PRELID2: variants seen among roughly 807,000 people sequenced by gnomAD.
PRELID2 encodes PRELI domain containing 2, also known as PRELI domain-containing protein 2.
PRELID2 carries 25 observed loss-of-function variants against 28.4 expected under a neutral mutation model. The ratio of observed to expected loss-of-function variants is 0.88; its 90% CI spans 0.64 to 1.23. PRELID2 has a LOEUF of 1.23. Ranked by LOEUF, PRELID2 falls within the 50% of genes most tolerant of loss-of-function variation. The pLI is 0.00. For missense variants in PRELID2, 201 were observed against 214.4 expected, an observed-to-expected ratio of 0.94 and a Z score of 0.39; for synonymous variants, 76 against 71.6, an observed-to-expected ratio of 1.06 and a Z score of -0.31.
chr5:145,669,534 T>C (rs1258248885), intron 1 of PRELID2, among the ~76,000 whole-genome samples: 1 of 152,038 alleles, frequency 6.6e-6, no homozygotes, highest in Non-Finnish European at 1.5e-5. Context: ...TACTTGCTTC[T>C]GTTCTTGCCA....
chr5:145,708,884 C>T (rs962974614), intron 1 of PRELID2, among the ~76,000 whole-genome samples: 7 of 152,236 alleles, frequency 4.6e-5, no homozygotes, highest in African/African-American at 1.7e-4. Context: ...GACAAATCCT[C>T]GTGTGCTTTT....
chr5:145,782,879 T>C (rs1005054198), intron 5 of PRELID2, among the ~76,000 whole-genome samples: 6 of 152,268 alleles, frequency 3.9e-5, no homozygotes, highest in African/African-American at 1.2e-4. Context: ...TTTTAAAAAG[T>C]CATACAATTG....
At chr5:145,689,344 G>A (rs1318656634) in intron 1 of PRELID2, among the ~76,000 whole-genome samples, 1 of 152,070 alleles carries the variant, frequency 6.6e-6, no homozygotes, top group Admixed American at 6.6e-5. Flanking sequence ...GCTACTAGAA[G>A]CAAGTGACAC....
At chr5:145,728,081 A>G (rs1374111248) in intron 1 of PRELID2, among the ~76,000 whole-genome samples, 1 of 152,154 alleles carries the variant, frequency 6.6e-6, no homozygotes, top group Non-Finnish European at 1.5e-5. Flanking sequence ...CTGTCCCTGC[A>G]AATCTCTGCT....
intron 1 of PRELID2, among the ~76,000 whole-genome samples, chr5:145,645,630 G>A (rs186982560): frequency 3.9e-5 from 6 of 152,108 alleles, no homozygotes; most frequent in Admixed American, 2.0e-4. Context: ...TCATAGTGTC[G>A]ACATTCTTTA....
intron 1 of PRELID2, among the ~76,000 whole-genome samples, chr5:145,649,704 T>C (rs1754256862): frequency 1.3e-5 from 2 of 152,208 alleles, no homozygotes. Context: ...TAATTCTTTA[T>C]TTCAGTGATT....
chr5:145,523,433 A>G (rs1752580363), intron 1 of PRELID2, among the ~76,000 whole-genome samples: 1 of 152,208 alleles, frequency 6.6e-6, no homozygotes, highest in South Asian at 2.1e-4. Flanking sequence ...GGAGAGTATT[A>G]GCTCAGGCCA....
chr5:145,308,306 G>A, the PRELID2 span, among the ~76,000 whole-genome samples: 1 of 152,184 alleles, frequency 6.6e-6, no homozygotes, highest in Non-Finnish European at 1.5e-5. Flanking sequence ...AAAAATAGAT[G>A]TACTAATCGA....
At chr5:145,516,169 G>C (rs373905276) in intron 1 of PRELID2, among the ~76,000 whole-genome samples, 11 of 152,126 alleles carry the variant, frequency 7.2e-5, no homozygotes, top group Non-Finnish European at 8.8e-5. Context: ...AGAAATAAAG[G>C]TTATTCAAAT....
the PRELID2 span, among the ~76,000 whole-genome samples, chr5:145,379,501 A>C: frequency 6.6e-6 from 1 of 152,174 alleles, no homozygotes; most frequent in African/African-American, 2.4e-5. Context: ...CTCTGTGCCC[A>C]GCAAGCAAGA....
chr5:145,687,285 A>T (rs1265610652), intron 1 of PRELID2, among the ~76,000 whole-genome samples: 2 of 152,196 alleles, frequency 1.3e-5, no homozygotes, highest in Non-Finnish European at 2.9e-5. Flanking sequence ...TGGTCAGGAA[A>T]GCCGGGTCCC....
chr5:145,448,515 G>T, the PRELID2 span, among the ~76,000 whole-genome samples: 7 of 152,236 alleles, frequency 4.6e-5, no homozygotes, highest in African/African-American at 1.7e-4. Context: ...TGTTGCCATT[G>T]AAGGCAGGGG....
intron 1 of PRELID2, among the ~76,000 whole-genome samples, chr5:145,646,784 A>C (rs1754204082): frequency 6.6e-6 from 1 of 152,170 alleles, no homozygotes; most frequent in Admixed American, 6.5e-5. Context: ...CCTCTGCCGC[A>C]GGTCTGCTGG....
chr5:145,384,548 A>T, the PRELID2 span, among the ~76,000 whole-genome samples: 2 of 152,226 alleles, frequency 1.3e-5, no homozygotes, highest in African/African-American at 4.8e-5. Flanking sequence ...AAATATAAGA[A>T]CAGGCAAAAT....
At chr5:145,806,489 G>A (rs547073350) in intron 4 of PRELID2, among the ~76,000 whole-genome samples, 24 of 152,176 alleles carry the variant, frequency 1.6e-4, no homozygotes, top group Admixed American at 9.8e-4. Context: ...ATGCTTTCCA[G>A]AATACCACTT....
chr5:145,726,400 G>A (rs1405358966), intron 1 of PRELID2, among the ~76,000 whole-genome samples: 2 of 152,146 alleles, frequency 1.3e-5, no homozygotes, highest in African/African-American at 4.8e-5. Context: ...AGCAAAAGGA[G>A]GTCAGGGATC....
At chr5:145,369,782 T>A in the PRELID2 span, among the ~76,000 whole-genome samples, 2 of 152,046 alleles carry the variant, frequency 1.3e-5, no homozygotes, top group African/African-American at 4.8e-5. Context: ...CACCAGCATC[T>A]ATTGTTTCTT....
chr5:145,476,976 CAT>C lies in PRELID2; in HGVS notation n.71-3663_71-3662del, dbSNP rs202174237. 5.5e-3 allele frequency among the ~76,000 whole-genome samples: 831 copies of C among 152,248 alleles called. 4 individuals carry two copies. The highest frequency in any genetic ancestry group is 0.027 in the Middle Eastern group (8 of 294). On this transcript the variant is annotated intron_variant and non_coding_transcript_variant, in intron 1 of 2. Coordinates refer to the PRELID2 transcript ENST00000510259. ...AATTAATAGTAGCTCATAGAAAAAA[CAT>C]ATTTTTCAGGCATTAGAATTTGTAT...
the PRELID2 span, among the ~76,000 whole-genome samples, chr5:145,305,611 C>A: frequency 6.6e-6 from 1 of 152,158 alleles, no homozygotes; most frequent in African/African-American, 2.4e-5. Flanking sequence ...AGGAATTTGT[C>A]TGTGGCCTCA....
Sources: allele counts gnomAD v4.1 joint callset (sites outside exome capture counted in the v4.1 genomes callset), GRCh38; gene constraint gnomAD v4.1.1; transcripts MANE v1.5; gene names NCBI Gene and HGNC (gene_info 2026-07-23, HGNC 2026-07-21).